SIRPA: variants seen among roughly 807,000 people sequenced by gnomAD.
SIRPA encodes tyrosine-protein phosphatase non-receptor type substrate 1.
SIRPA carries 9 observed loss-of-function variants against 50.3 expected under a neutral mutation model. The ratio of observed to expected loss-of-function variants is 0.18; its 90% CI spans 0.11 to 0.31. The LOEUF is 0.31. Among genes scored for constraint, SIRPA ranks in the 10% least tolerant of loss-of-function variants. The pLI is 1.00. For synonymous variants in SIRPA, 265 were observed against 284.1 expected (o/e 0.93, Z 0.68); for missense variants, 474 against 661.6 (o/e 0.72, Z 3.11).
intron 2 of SIRPA, among the ~76,000 whole-genome samples, chr20:1,918,058 T>C (rs1985405886): frequency 6.6e-6 from 1 of 152,204 alleles, no homozygotes; most frequent in Non-Finnish European, 1.5e-5. Context: ...CCTTCGCTTT[T>C]CTCAGCCTCA....
At chr20:1,918,038 G>A (rs540959850) in intron 2 of SIRPA, among the ~76,000 whole-genome samples, 1 of 152,280 alleles carries the variant, frequency 6.6e-6, no homozygotes. Context: ...TGAGGGATGA[G>A]GAGACAGTGC....
chr20:1,925,841 G>T (rs1268168302), intron 5 of SIRPA, among the ~76,000 whole-genome samples: 1 of 152,162 alleles, frequency 6.6e-6, no homozygotes, highest in Non-Finnish European at 1.5e-5. Flanking sequence ...ACAATTTTAA[G>T]CTGGTATTTC....
chr20:1,923,627 G>A (rs1160314667), intron 4 of SIRPA, among the ~76,000 whole-genome samples: 1 of 143,640 alleles, frequency 7.0e-6, no homozygotes, highest in Non-Finnish European at 1.5e-5. Flanking sequence ...GTTTTCATGG[G>A]ATGTGTAGGG....
intron 2 of SIRPA, 30 bp downstream of exon 2, chr20:1,915,485 T>C (rs1985223633): frequency 6.2e-7 from 1 of 1,612,334 alleles, no homozygotes; most frequent in African/African-American, 1.3e-5. Context: ...CCTTTGCCTC[T>C]GGTTTGTGAC....
chr20:1,934,933 A>T lies in SIRPA; in HGVS notation c.1266+179A>T, dbSNP rs1439033648. On this transcript the variant is annotated intron_variant, in intron 7 of 7. Transcript: ENST00000358771. The surrounding 1 kb of genome is among the most constrained non-coding windows in gnomAD (Gnocchi z 4.6). ...ATTCCTTCTCTCTACTGCAGCCAAG[A>T]GTGGCTGTTGCAGCCTCATGACTCA... 2.0e-5 allele frequency among the ~76,000 whole-genome samples: 3 copies of T among 152,174 alleles called. No individual in the cohort carries two copies. Among genetic ancestry groups the T allele is most frequent in the Non-Finnish European group, 4.4e-5 (3 of 68,040 alleles).
chr20:1,911,540 G>A (rs1311538206), intron 1 of SIRPA, among the ~76,000 whole-genome samples: 5 of 152,158 alleles, frequency 3.3e-5, no homozygotes, highest in Admixed American at 6.5e-5. Flanking sequence ...GGGATAGGCC[G>A]TAATTCACTT....
rs1985835288 is a variant in SIRPA at position 1,924,135 on chromosome 20, A to T, written c.1088-629A>T. On this transcript the variant is annotated intron_variant, in intron 4 of 7. Coordinates refer to ENST00000358771, the MANE Select transcript of SIRPA (RefSeq NM_001040023.2). This position sits in a 1 kb window ranked among gnomAD's most constrained non-coding sequence, Gnocchi z 4.5. ...CTGACTTGTCCAGGGTCACACAGCT[A>T]CTTAGTAGCATAGATTTGAAAGCAC... 6.6e-6 allele frequency among the ~76,000 whole-genome samples: 1 copy of T among 152,190 alleles called. No homozygotes were observed. Among genetic ancestry groups the T allele is most frequent in the Non-Finnish European group, 1.5e-5 (1 of 68,024 alleles).
At chr20:1,918,465 G>T (rs1985443340) in intron 2 of SIRPA, among the ~76,000 whole-genome samples, 1 of 149,800 alleles carries the variant, frequency 6.7e-6, no homozygotes, top group South Asian at 2.1e-4. Flanking sequence ...CCCCACCTCG[G>T]CCTCCCAAAG....
Position 1,924,746 on chromosome 20 carries a change from A to G in SIRPA, c.1088-18A>G. On this transcript the variant is annotated intron_variant, in intron 4 of 7. Coordinates refer to ENST00000358771, the MANE Select transcript of SIRPA (RefSeq NM_001040023.2). The surrounding 1 kb of genome is among the most constrained non-coding windows in gnomAD (Gnocchi z 4.5). ...TTTAATCTGCATACGTGAAGCCTCTATTCCATGTGGTCCCTAGAGAACACT... is the reference window on the plus strand; with the variant it reads ...TTTAATCTGCATACGTGAAGCCTCTGTTCCATGTGGTCCCTAGAGAACACT... 1 of 1,604,504 alleles carries G rather than the reference A, an allele frequency of 6.2e-7. No homozygotes were observed. Among genetic ancestry groups the G allele is most frequent in the Non-Finnish European group, 8.5e-7 (1 of 1,171,742 alleles).
chr20:1,914,803 C>G (rs1436010786), intron 1 of SIRPA, among the ~76,000 whole-genome samples: 3 of 133,730 alleles, frequency 2.2e-5, no homozygotes, highest in Non-Finnish European at 3.2e-5. Flanking sequence ...TCCCTTCTGG[C>G]TCATTCAGAT....
rs188096379 is a variant in SIRPA at position 1,898,151 on chromosome 20, C to T, written c.79+2625C>T. Among the ~76,000 whole-genome samples, 38 of 152,352 alleles carry T rather than the reference C, an allele frequency of 2.5e-4. No homozygotes were observed. In the East Asian group the frequency reaches 6.0e-3, roughly 24 times the overall value. On this transcript the variant is annotated intron_variant, in intron 1 of 7. Coordinates refer to ENST00000358771, the MANE Select transcript of SIRPA (RefSeq NM_001040023.2). This position sits in a 1 kb window ranked among gnomAD's most constrained non-coding sequence, Gnocchi z 4.3. ...TTGCAGTTCAGGCTCTGGGGAGCAGCGGGGCCCCCCAGTGAACCTCTCACC... is the reference window on the plus strand; with the variant it reads ...TTGCAGTTCAGGCTCTGGGGAGCAGTGGGGCCCCCCAGTGAACCTCTCACC...
chr20:1,922,279 A>G (rs67908870), intron 3 of SIRPA, 34 bp from the exon 4 acceptor site: 43,323 of 1,612,042 alleles, frequency 0.027, 681 homozygotes, highest in Middle Eastern at 0.06. Flanking sequence ...TGTCTGTGCC[A>G]CAAGGTCAGA....
At position 1,937,584 on chromosome 20, in the gene SIRPA, G is replaced by C; in HGVS notation, c.*16G>C. 6.2e-7 allele frequency: 1 copy of C among 1,611,422 alleles called. No homozygotes were observed. The highest frequency in any genetic ancestry group is 2.2e-5 in the East Asian group (1 of 44,772). ...GAGGAAGTGAATGGGACCGTGGTTT[G>C]CTCTAGCACCCATCTCTACGCGCTT... is the stretch of plus-strand genomic sequence containing the variant. On this transcript the variant is annotated 3_prime_UTR_variant, in exon 8 of 8. Transcript: ENST00000358771. This position sits in a 1 kb window ranked among gnomAD's most constrained non-coding sequence, Gnocchi z 8.3.
intron 1 of SIRPA, among the ~76,000 whole-genome samples, chr20:1,897,813 A>G (rs1341382021): frequency 6.6e-6 from 1 of 152,238 alleles, no homozygotes; most frequent in Non-Finnish European, 1.5e-5. Flanking sequence ...GATTGCTTTT[A>G]GCACAAATGC....
rs1350758532 is a variant in SIRPA at position 1,936,911 on chromosome 20, G to A, written c.1267-409G>A. Among the ~76,000 whole-genome samples the A allele has an allele frequency of 6.6e-6, 1 of 152,084 alleles. No homozygotes were observed. Among genetic ancestry groups the A allele is most frequent in the Non-Finnish European group, 1.5e-5 (1 of 68,020 alleles). The stretch of plus-strand genomic sequence containing the variant: ...GGAGAGCCAGGGAGGGTCTTAGTAT[G>A]AGCCATGCTTCATCTGAAATTTACA... On this transcript the variant is annotated intron_variant, in intron 7 of 7. Coordinates refer to ENST00000358771, the MANE Select transcript of SIRPA (RefSeq NM_001040023.2). This position sits in a 1 kb window ranked among gnomAD's most constrained non-coding sequence, Gnocchi z 4.2.
intron 1 of SIRPA, among the ~76,000 whole-genome samples, chr20:1,913,756 C>T (rs1184442382): frequency 6.6e-6 from 1 of 152,088 alleles, no homozygotes; most frequent in Non-Finnish European, 1.5e-5. Context: ...TTTCTTGTAC[C>T]TCACCTTGTT....
chr20:1,922,069 T>C (rs1229273723), intron 3 of SIRPA, among the ~76,000 whole-genome samples: 1 of 152,224 alleles, frequency 6.6e-6, no homozygotes, highest in African/African-American at 2.4e-5. Flanking sequence ...GGGGTGGTGC[T>C]TATAGATTTC....
At chr20:1,904,885 T>C (rs924261070) in intron 1 of SIRPA, among the ~76,000 whole-genome samples, 2 of 152,142 alleles carry the variant, frequency 1.3e-5, no homozygotes, top group South Asian at 2.1e-4. Flanking sequence ...GGAGAGGCCA[T>C]GGAGGGGCTT....
rs1007133877 is a variant in SIRPA, at chr20:1,929,964, G to A, written c.1226+2065G>A. 5.3e-5 allele frequency among the ~76,000 whole-genome samples: 8 copies of A among 151,828 alleles called. No individual in the cohort carries two copies. In the East Asian group the frequency reaches 5.8e-4, roughly 11 times the overall value. On this transcript the variant is annotated intron_variant, in intron 6 of 7. Transcript: ENST00000358771. ...GCCACCCCCTGTCCTCACATTTCAC[G>A]GCTCAACCACACTGTGCTCCCCCCT...
Sources: allele counts gnomAD v4.1 joint callset (sites outside exome capture counted in the v4.1 genomes callset), GRCh38; gene constraint gnomAD v4.1.1; non-coding constraint Gnocchi (gnomAD v3.1); transcripts MANE v1.5; gene names NCBI Gene and HGNC (gene_info 2026-07-23, HGNC 2026-07-21).